The following NBAS variants were observed in gnomAD, a reference collection of about 807,000 sequenced individuals.
NBAS encodes the protein NAG/BC035112 fusion.
NBAS carries 219 observed loss-of-function variants against 302.5 expected under a neutral mutation model. The ratio of observed to expected loss-of-function variants is 0.72; its 90% CI spans 0.65 to 0.81. The LOEUF is 0.81. NBAS is among the 30% of genes least tolerant of loss of function. NBAS has a pLI of 0.00. For synonymous variants in NBAS, 1,118 were observed against 1,021.6 expected (o/e 1.09, Z -1.80); for missense variants, 2,932 against 2,841.6 (o/e 1.03, Z -0.72).
At chr2:15,136,789 C>G in the NBAS span, among the ~76,000 whole-genome samples, 1 of 152,170 alleles carries the variant, frequency 6.6e-6, no homozygotes, top group Non-Finnish European at 1.5e-5. Flanking sequence ...CCCCCATGCT[C>G]TTCTCTTGAT....
At chr2:15,463,456 C>T (rs1429028240) in intron 19 of NBAS, among the ~76,000 whole-genome samples, 2 of 152,150 alleles carry the variant, frequency 1.3e-5, no homozygotes, top group Non-Finnish European at 2.9e-5. Context: ...TAGTCGCATA[C>T]TAAGTGGTAT....
the NBAS span, among the ~76,000 whole-genome samples, chr2:14,809,029 A>G: frequency 1.3e-5 from 2 of 152,214 alleles, no homozygotes; most frequent in East Asian, 3.9e-4. Flanking sequence ...TAGAGTATCT[A>G]GCAGAAGGAA....
intron 48 of NBAS, among the ~76,000 whole-genome samples, chr2:15,215,992 A>G (rs1666634475): frequency 6.6e-6 from 1 of 152,230 alleles, no homozygotes; most frequent in South Asian, 2.1e-4. Flanking sequence ...TTTCCATTCT[A>G]AACACAATAC....
At chr2:15,453,910 T>C (rs10169727) in intron 21 of NBAS, among the ~76,000 whole-genome samples, 94,195 of 151,108 alleles carry the variant, frequency 0.62, 30,079 homozygotes, top group Middle Eastern at 0.68. Flanking sequence ...TCTGGAGTAG[T>C]TGGGACTATA....
At chr2:15,239,739 CTATTT>C (rs1667775946) in intron 44 of NBAS, among the ~76,000 whole-genome samples, 2 of 151,798 alleles carry the variant, frequency 1.3e-5, no homozygotes, top group African/African-American at 4.8e-5. Context: ...GGATTATGAG[CTATTT>C]TTTTTTCTTT....
the NBAS span, among the ~76,000 whole-genome samples, chr2:15,044,322 G>T: frequency 1.3e-5 from 2 of 152,170 alleles, no homozygotes; most frequent in Non-Finnish European, 2.9e-5. Context: ...AAGAATCAGC[G>T]ACAGCTGACT....
chr2:15,451,817 C>A (rs945381169), intron 21 of NBAS, among the ~76,000 whole-genome samples: 2 of 152,056 alleles, frequency 1.3e-5, no homozygotes, highest in Non-Finnish European at 2.9e-5. Flanking sequence ...AGAGGTTCTT[C>A]GAAGGGATTC....
intron 42 of NBAS, 134 bp from the exon 43 acceptor site, chr2:15,277,235 C>T (rs1669628164): frequency 9.1e-7 from 1 of 1,102,444 alleles, no homozygotes; most frequent in Non-Finnish European, 1.3e-6. Flanking sequence ...TAAACCACCA[C>T]CAGAAGCCAG....
the NBAS span, among the ~76,000 whole-genome samples, chr2:14,863,593 G>A: frequency 1.6e-4 from 24 of 152,188 alleles, no homozygotes; most frequent in Non-Finnish European, 2.2e-4. Flanking sequence ...GTGGTTTCAC[G>A]GCTGCTCCAG....
chr2:15,126,821 G>A, the NBAS span, among the ~76,000 whole-genome samples: 254 of 152,196 alleles, frequency 1.7e-3, 1 homozygote, highest in Admixed American at 3.9e-3. Context: ...TGCTAAGCAC[G>A]CTACAAACTT....
intron 38 of NBAS, among the ~76,000 whole-genome samples, chr2:15,315,559 T>A (rs574291759): frequency 6.6e-6 from 1 of 152,234 alleles, no homozygotes; most frequent in Non-Finnish European, 1.5e-5. Flanking sequence ...AAGTTATATA[T>A]GCCTGGTCTC....
At chr2:14,871,049 A>C in the NBAS span, among the ~76,000 whole-genome samples, 1 of 152,110 alleles carries the variant, frequency 6.6e-6, no homozygotes, top group Non-Finnish European at 1.5e-5. Flanking sequence ...CATACTAAAG[A>C]AAAATAAACA....
chr2:14,935,554 G>A, the NBAS span, among the ~76,000 whole-genome samples: 1 of 152,062 alleles, frequency 6.6e-6, no homozygotes, highest in African/African-American at 2.4e-5. Flanking sequence ...ATGAAAGCAG[G>A]TTAATATGGA....
chr2:15,238,114 A>C (rs1208816413), intron 45 of NBAS, among the ~76,000 whole-genome samples: 3 of 152,090 alleles, frequency 2.0e-5, no homozygotes, highest in African/African-American at 7.2e-5. Flanking sequence ...AGCTAGAAGT[A>C]AAGTCTGAGC....
At chr2:15,415,367 A>T (rs560852284) in intron 25 of NBAS, among the ~76,000 whole-genome samples, 179 bp downstream of exon 25, 19 of 152,358 alleles carry the variant, frequency 1.2e-4, no homozygotes, top group African/African-American at 4.3e-4. Context: ...CAAAATAAAC[A>T]TAATTTTACA....
intron 32 of NBAS, among the ~76,000 whole-genome samples, chr2:15,359,003 C>T (rs11692624): frequency 0.64 from 97,620 of 151,964 alleles, 32,050 homozygotes; most frequent in Middle Eastern, 0.69. Flanking sequence ...AAGCACTGTC[C>T]TCCTAAAATA....
At chr2:15,528,885 A>ATATATATATATGTGTG (rs1553333194) in intron 9 of NBAS, among the ~76,000 whole-genome samples, 97 of 123,182 alleles carry the variant, frequency 7.9e-4, no homozygotes, top group African/African-American at 1.0e-3. Context: ...AAAAATATAT[A>ATATATATATATGTGTG]TATATATATA....
At chr2:15,504,742 G>A (rs1166552270) in intron 10 of NBAS, among the ~76,000 whole-genome samples, 1 of 152,006 alleles carries the variant, frequency 6.6e-6, no homozygotes, top group African/African-American at 2.4e-5. Flanking sequence ...AGGGAATCTG[G>A]AACCCTCATA....
chr2:14,979,900 T>TG, the NBAS span, among the ~76,000 whole-genome samples: 15 of 152,270 alleles, frequency 9.9e-5, no homozygotes, highest in African/African-American at 3.6e-4. Context: ...GTGGGCACCC[T>TG]TGACTGTATA....
Sources: gnomAD v4.1 joint callset for allele counts (sites outside exome capture counted in the v4.1 genomes callset) on GRCh38, gnomAD v4.1.1 for gene constraint, MANE v1.5 for transcripts, NCBI Gene and HGNC (gene_info 2026-07-23, HGNC 2026-07-21) for gene names.